SRGAP2C: variants seen among roughly 807,000 people sequenced by gnomAD.
SRGAP2C encodes SLIT-ROBO Rho GTPase activating protein 2C, also known as SLIT-ROBO Rho GTPase-activating protein 2C.
A neutral mutation model predicts 25.1 loss-of-function variants in SRGAP2C; 15 were observed. That is an observed-to-expected ratio of 0.60 (90% CI 0.40 to 0.92). The LOEUF (loss-of-function observed/expected upper bound fraction) is 0.92. SRGAP2C is among the 40% of genes least tolerant of loss of function. The probability of loss-of-function intolerance (pLI) is 0.00; values close to 1 mark genes in which losing one functional copy is unlikely to be tolerated. For missense variants in SRGAP2C, 144 were observed against 264.4 expected (o/e 0.54, Z 3.16); for synonymous variants, 44 against 96.6 (o/e 0.46, Z 3.19).
At chr1:121,372,560 C>T (rs1659524734) in intron 5 of SRGAP2C, among the ~76,000 whole-genome samples, 1 of 112,584 alleles carries the variant, frequency 8.9e-6, no homozygotes, top group Non-Finnish European at 1.8e-5. Flanking sequence ...CCTTTCCTCC[C>T]AACCAGTTCA....
chr1:121,390,772 G>A lies in SRGAP2C; in HGVS notation c.*2917G>A, dbSNP rs2772056. 2.0e-5 allele frequency: 3 copies of A among 151,444 alleles called. No individual in the cohort carries two copies. The highest frequency in any genetic ancestry group is 1.9e-4 in the East Asian group (1 of 5,130). 9.4% of individuals were successfully genotyped at this position (151,444 alleles called of 1,614,324 possible). A position where few individuals can be genotyped will look rare whatever the true frequency, so the allele number is the denominator to read the frequency against. ...AAAAAATAAATAGGCCAGATATGGCGGCTCATGCCTGTAATCCCAGCGCTG... is the reference window on the plus strand; with the variant it reads ...AAAAAATAAATAGGCCAGATATGGCAGCTCATGCCTGTAATCCCAGCGCTG... On this transcript the variant is annotated 3_prime_UTR_variant, in exon 10 of 10. Transcript: ENST00000367123.
rs1240765976 is a variant in SRGAP2C at position 121,235,637 on chromosome 1, TTTTTA to T, written c.67+48125_67+48129del. Among the ~76,000 whole-genome samples the T allele has an allele frequency of 1.7e-4, 10 of 59,742 alleles. No individual in the cohort carries two copies. In the East Asian group the frequency reaches 3.2e-3, roughly 19 times the overall value. 39.2% of individuals were successfully genotyped at this position (59,742 alleles called of 152,430 possible). On this transcript the variant is annotated intron_variant, in intron 2 of 9. Transcript: ENST00000367123. ...GTCTTGCTTTTTCTGTTTTTTTTTTTTTTTAGGAGGGGGTTCAAATATAAAATATA... is the reference window on the plus strand; with the variant it reads ...GTCTTGCTTTTTCTGTTTTTTTTTTTGGAGGGGGTTCAAATATAAAATATA...
At chr1:121,232,692 G>A (rs1329334005) in intron 2 of SRGAP2C, among the ~76,000 whole-genome samples, 6 of 152,128 alleles carry the variant, frequency 3.9e-5, no homozygotes, top group Non-Finnish European at 7.3e-5. Context: ...CATCTGAAAC[G>A]TACTCTGAGG....
intron 3 of SRGAP2C, among the ~76,000 whole-genome samples, chr1:121,308,651 A>T (rs1228952210): frequency 6.6e-6 from 1 of 152,044 alleles, no homozygotes; most frequent in African/African-American, 2.4e-5. Context: ...TGCAAAAAAA[A>T]GTATGGGCCG....
chr1:121,263,286 T>A (rs1277020807), intron 2 of SRGAP2C, among the ~76,000 whole-genome samples: 1 of 151,272 alleles, frequency 6.6e-6, no homozygotes, highest in East Asian at 1.9e-4. Context: ...ATCACACCAC[T>A]GCACTCTAGC....
intron 7 of SRGAP2C, among the ~76,000 whole-genome samples, chr1:121,379,609 TATAG>T (rs1361976579): frequency 6.6e-6 from 1 of 152,010 alleles, no homozygotes; most frequent in Admixed American, 6.6e-5. Flanking sequence ...CCTACAGGTA[TATAG>T]ATAGTCAAGA....
At position 121,323,931 on chromosome 1, in the gene SRGAP2C, G is replaced by T. The variant is rs1450262386; in HGVS notation, c.261-547G>T. On this transcript the variant is annotated intron_variant, in intron 3 of 9. Coordinates refer to ENST00000367123, the MANE Select transcript of SRGAP2C (RefSeq NM_001329984.2). ...GTGTCTAGACAAAATCTCTAACTTTGGTTTCTAACCCTAGAGACAAACCAA... is the reference window on the plus strand; with the variant it reads ...GTGTCTAGACAAAATCTCTAACTTTTGTTTCTAACCCTAGAGACAAACCAA... 3.8e-4 allele frequency among the ~76,000 whole-genome samples: 58 copies of T among 152,138 alleles called. 2 individuals carry two copies. In the South Asian group the frequency reaches 0.012, roughly 30 times the overall value.
At chr1:121,330,898 C>T (rs1471441109) in intron 4 of SRGAP2C, among the ~76,000 whole-genome samples, 7 of 4,440 alleles carry the variant, frequency 1.6e-3, no homozygotes, top group South Asian at 0.01. Context: ...AAACATCTGG[C>T]AATACCAAGT....
intron 3 of SRGAP2C, among the ~76,000 whole-genome samples, chr1:121,295,667 C>T (rs1160099026): frequency 1.3e-5 from 2 of 151,938 alleles, no homozygotes; most frequent in Non-Finnish European, 2.9e-5. Flanking sequence ...TGTAAAGTGT[C>T]TTTTTGACTT....
chr1:121,343,351 G>A (rs1477185453), intron 4 of SRGAP2C, among the ~76,000 whole-genome samples: 1 of 152,096 alleles, frequency 6.6e-6, no homozygotes, highest in Non-Finnish European at 1.5e-5. Context: ...AGTGGGAATG[G>A]AAATTAATTG....
chr1:121,373,827 C>A, intron 5 of SRGAP2C, 144 bp from the exon 6 acceptor site: 3 of 450,744 alleles, frequency 6.7e-6, no homozygotes, highest in Non-Finnish European at 1.1e-5. Flanking sequence ...GTTTGCTGAA[C>A]CAAACACTTC....
At chr1:121,212,622 T>G (rs1216363353) in intron 2 of SRGAP2C, among the ~76,000 whole-genome samples, 2 of 151,980 alleles carry the variant, frequency 1.3e-5, no homozygotes, top group African/African-American at 2.4e-5. Context: ...TGAACTTCTT[T>G]GTAAGCCCAC....
Position 121,271,087 on chromosome 1 carries a change from G to A in SRGAP2C, c.68-13716G>A, listed in dbSNP as rs1218840016. ...GCTGGGATTATAGGCGTGAGCCACC[G>A]CGCCCAGCTGGACTGTTTTTTTTTT... On this transcript the variant is annotated intron_variant, in intron 2 of 9. Transcript: ENST00000367123. 3.3e-5 allele frequency among the ~76,000 whole-genome samples: 5 copies of A among 151,080 alleles called. 1 individual carries two copies. Among genetic ancestry groups the A allele is most frequent in the Non-Finnish European group, 7.4e-5 (5 of 67,720 alleles).
intron 2 of SRGAP2C, among the ~76,000 whole-genome samples, chr1:121,280,013 TC>T (rs1657205193): frequency 6.6e-6 from 1 of 152,030 alleles, no homozygotes; most frequent in East Asian, 1.9e-4. Flanking sequence ...AATTTTTTAA[TC>T]TTTTTTTTCA....
chr1:121,232,939 T>G (rs1305392199), intron 2 of SRGAP2C, among the ~76,000 whole-genome samples: 1 of 137,144 alleles, frequency 7.3e-6, no homozygotes, highest in East Asian at 2.3e-4. Flanking sequence ...CTGTAGATGA[T>G]GTCTTTTCAA....
chr1:121,292,022 G>A (rs1228680969), intron 3 of SRGAP2C, among the ~76,000 whole-genome samples: 1 of 135,850 alleles, frequency 7.4e-6, no homozygotes, highest in Non-Finnish European at 1.6e-5. Flanking sequence ...TTTTATGTGG[G>A]GTAGGTAGGT....
intron 2 of SRGAP2C, among the ~76,000 whole-genome samples, chr1:121,192,377 A>C (rs1654710796): frequency 6.6e-6 from 1 of 152,178 alleles, no homozygotes; most frequent in African/African-American, 2.4e-5. Flanking sequence ...GCTCAGGGGA[A>C]AAAACAACAA....
chr1:121,335,169 T>A (rs1197059249), intron 4 of SRGAP2C, among the ~76,000 whole-genome samples: 1 of 151,254 alleles, frequency 6.6e-6, no homozygotes, highest in African/African-American at 2.4e-5. Context: ...GGTACGTGCC[T>A]GTAATCCCAG....
chr1:121,292,583 C>T lies in SRGAP2C; in HGVS notation c.260+7588C>T, dbSNP rs1657514931. Among the ~76,000 whole-genome samples the T allele has an allele frequency of 2.5e-5, 2 of 78,846 alleles. 1 individual carries two copies. The highest frequency in any genetic ancestry group is 1.2e-3 in the East Asian group (2 of 1,714). The allele number at this position is 78,846 out of a possible 152,430, so 51.7% of individuals were successfully genotyped here. A position where few individuals can be genotyped will look rare whatever the true frequency, so the allele number is the denominator to read the frequency against. On this transcript the variant is annotated intron_variant, in intron 3 of 9. Transcript: ENST00000367123. Reference sequence around the variant, plus strand: ...TCTGATGTCATAGTCTAGGTGTTAGCCATCCAGGGCTGTCAGGCTTCTTAT... The same window carrying T: ...TCTGATGTCATAGTCTAGGTGTTAGTCATCCAGGGCTGTCAGGCTTCTTAT...
Sources: allele counts gnomAD v4.1 joint callset (sites outside exome capture counted in the v4.1 genomes callset), GRCh38; gene constraint gnomAD v4.1.1; transcripts MANE v1.5; gene names NCBI Gene and HGNC (gene_info 2026-07-23, HGNC 2026-07-21).